The following ZFHX3 variants were observed in gnomAD, a reference collection of about 807,000 sequenced individuals.
ZFHX3 encodes zinc finger homeobox 3.
A neutral mutation model predicts 279.1 loss-of-function variants in ZFHX3; 42 were observed. That is an observed-to-expected ratio of 0.15 (90% confidence interval 0.12 to 0.19). ZFHX3 has a LOEUF of 0.19. Among genes scored for constraint, ZFHX3 ranks in the 10% least tolerant of loss-of-function variants. The pLI is 1.00. For synonymous variants in ZFHX3, 2,293 were observed against 1,957.8 expected (o/e 1.17, Z -4.52); for missense variants, 4,981 against 4,754.0 (o/e 1.05, Z -1.40).
chr16:73,867,864 T>C (rs1314067598), intron 1 of ZFHX3, among the ~76,000 whole-genome samples: 3 of 152,178 alleles, frequency 2.0e-5, no homozygotes, highest in Non-Finnish European at 4.4e-5. Flanking sequence ...GGCCTCAGCT[T>C]GACCAAGGTG....
intron 3 of ZFHX3, among the ~76,000 whole-genome samples, chr16:72,895,354 A>G (rs2038874042): frequency 6.6e-6 from 1 of 152,208 alleles, no homozygotes; most frequent in Non-Finnish European, 1.5e-5. Context: ...CTCCCCACAA[A>G]TTACTAATGA....
At chr16:73,581,244 A>C (rs1232922823) in intron 2 of ZFHX3, among the ~76,000 whole-genome samples, 1 of 151,874 alleles carries the variant, frequency 6.6e-6, no homozygotes, top group African/African-American at 2.4e-5. Context: ...ATAGACAATA[A>C]ACTAGTGGCA....
chr16:72,889,926 T>A lies in ZFHX3; in HGVS notation c.3253A>T (p.Ser1085Cys), dbSNP rs2144076122. The change falls in exon 4 of 10, where the codon AGC (serine) becomes TGC (cysteine). Residue 1085 changes from serine to cysteine, a missense_variant. Transcript: ENST00000268489. ...QQHESGVEGESCYYHCVLCNY... is the reference protein window; with the variant it reads ...QQHESGVEGECCYYHCVLCNY... Reference sequence around the variant, plus strand: ...CACAGAACGCAGTGGTAGTAGCAGCTCTCACCTTCTACACCACTCTCATGC... The same window carrying A: ...CACAGAACGCAGTGGTAGTAGCAGCACTCACCTTCTACACCACTCTCATGC... 1 of 1,614,040 alleles carries A rather than the reference T, an allele frequency of 6.2e-7. No homozygotes were observed.
intron 1 of ZFHX3, among the ~76,000 whole-genome samples, chr16:73,017,234 GA>G (rs113170514): frequency 0.071 from 8,971 of 126,100 alleles, 297 homozygotes; most frequent in Middle Eastern, 0.12. Context: ...CTCCCATCTC[GA>G]AAAAAAAAAA....
At chr16:73,341,605 C>T (rs2016035611) in intron 3 of ZFHX3, among the ~76,000 whole-genome samples, 2 of 152,172 alleles carry the variant, frequency 1.3e-5, no homozygotes, top group African/African-American at 4.8e-5. Flanking sequence ...CATCTGTCCA[C>T]ACACAACATA....
At chr16:72,835,104 T>G (rs1300778795) in intron 4 of ZFHX3, among the ~76,000 whole-genome samples, 1 of 152,098 alleles carries the variant, frequency 6.6e-6, no homozygotes, top group African/African-American at 2.4e-5. Flanking sequence ...TACACCAATC[T>G]GTGATCCCCG....
At chr16:73,838,770 G>C (rs1468584148) in intron 1 of ZFHX3, among the ~76,000 whole-genome samples, 2 of 133,976 alleles carry the variant, frequency 1.5e-5, no homozygotes, top group Non-Finnish European at 3.0e-5. Flanking sequence ...GTCTGTGTGT[G>C]TGTGTGTGTG....
At chr16:73,213,577 G>A (rs969253555) in intron 5 of ZFHX3, among the ~76,000 whole-genome samples, 11 of 152,148 alleles carry the variant, frequency 7.2e-5, no homozygotes, top group Admixed American at 1.3e-4. Flanking sequence ...TAACTCTTTT[G>A]TTTTCTAATA....
chr16:73,093,549 G>C (rs368344291), exon 8 of ZFHX3: 1 of 511,204 alleles, frequency 2.0e-6, no homozygotes, highest in Non-Finnish European at 3.9e-6. Context: ...CAAGCCTGGA[G>C]CCCAGCCATT....
intron 2 of ZFHX3, among the ~76,000 whole-genome samples, chr16:73,564,082 G>A (rs562216199): frequency 1.3e-5 from 2 of 152,308 alleles, no homozygotes; most frequent in East Asian, 1.9e-4. Context: ...TGGTTTTGTC[G>A]CTAGGTCAGA....
chr16:72,841,538 C>CT (rs1234386494), intron 4 of ZFHX3, among the ~76,000 whole-genome samples: 2 of 152,164 alleles, frequency 1.3e-5, no homozygotes, highest in Non-Finnish European at 2.9e-5. Context: ...TCCAAAGCCT[C>CT]TGTTTTTTTA....
At chr16:72,911,615 G>A (rs2039319144) in intron 3 of ZFHX3, among the ~76,000 whole-genome samples, 1 of 152,100 alleles carries the variant, frequency 6.6e-6, no homozygotes, top group Admixed American at 6.6e-5. Context: ...ATTCACAGAG[G>A]CTGGCCAATA....
At chr16:73,038,676 A>ACTCT (rs35471941) in intron 1 of ZFHX3, among the ~76,000 whole-genome samples, 23 of 147,400 alleles carry the variant, frequency 1.6e-4, no homozygotes, top group Non-Finnish European at 2.9e-4. Context: ...ATAAGCTTGT[A>ACTCT]CTCTCTCTCT....
At chr16:72,789,931 C>G (rs949703413) in intron 9 of ZFHX3, 1 of 152,340 alleles carries the variant, frequency 6.6e-6, no homozygotes, top group Non-Finnish European at 1.5e-5. Context: ...ACACCAATTC[C>G]CAAGACATCA....
chr16:72,859,174 G>A (rs552114319), intron 4 of ZFHX3, among the ~76,000 whole-genome samples: 4 of 152,264 alleles, frequency 2.6e-5, no homozygotes, highest in African/African-American at 7.2e-5. Context: ...TTTTTTTAAA[G>A]CAATCCACAG....
At chr16:73,061,410 C>A (rs2084394077), upstream of ZFHX3, 1 of 147,240 alleles carries the variant, frequency 6.8e-6, no homozygotes, top group Admixed American at 6.8e-5. Context: ...ATGAAACATT[C>A]CTACAGTCCA....
At chr16:73,131,307 C>T (rs987131916) in intron 6 of ZFHX3, among the ~76,000 whole-genome samples, 4 of 152,222 alleles carry the variant, frequency 2.6e-5, no homozygotes, top group Admixed American at 6.5e-5. Flanking sequence ...ACTTAATAAA[C>T]GCAATTCATG....
chr16:73,367,720 C>T (rs8056812), intron 3 of ZFHX3, among the ~76,000 whole-genome samples: 7,297 of 152,232 alleles, frequency 0.048, 582 homozygotes, highest in African/African-American at 0.17. Flanking sequence ...CTCTGAGCCT[C>T]ATTCTTCCCA....
intron 1 of ZFHX3, among the ~76,000 whole-genome samples, chr16:73,838,144 A>C (rs1961193373): frequency 6.6e-6 from 1 of 152,178 alleles, no homozygotes; most frequent in Admixed American, 6.5e-5. Context: ...GTTTTGACTG[A>C]ATTTGGTAAA....
Sources: gnomAD v4.1 joint callset for allele counts (sites outside exome capture counted in the v4.1 genomes callset) on GRCh38, gnomAD v4.1.1 for gene constraint, MANE v1.5 for transcripts, NCBI Gene and HGNC (gene_info 2026-07-23, HGNC 2026-07-21) for gene names.